Variants in KCTD19 observed in about 807,000 individuals in gnomAD.
KCTD19 encodes the protein BTB/POZ domain-containing protein KCTD19.
A neutral mutation model predicts 103.5 loss-of-function variants in KCTD19; 67 were observed. The observed-to-expected ratio is 0.65, with a 90% CI of 0.53 to 0.79. KCTD19 has a LOEUF of 0.79. Ranked by LOEUF, KCTD19 falls within the 30% of genes least tolerant of loss-of-function variation. The pLI is 0.00. For missense variants in KCTD19, 980 were observed against 1,136.1 expected (o/e 0.86, Z 1.98); for synonymous variants, 439 against 452.2 (o/e 0.97, Z 0.37).
At chr16:67,308,752 CT>C (rs1236746885) in intron 2 of KCTD19, among the ~76,000 whole-genome samples, 1 of 152,184 alleles carries the variant, frequency 6.6e-6, no homozygotes, top group African/African-American at 2.4e-5. Flanking sequence ...GTTCTTCCCC[CT>C]ATACCAAGCT....
intron 1 of KCTD19, chr16:67,326,224 C>T: frequency 6.4e-6 from 1 of 156,086 alleles, no homozygotes; most frequent in Non-Finnish European, 1.4e-5. Context: ...CCGCGCCCAG[C>T]CCGTCCAAGT....
chr16:67,315,446 C>T (rs2037001188), intron 2 of KCTD19, among the ~76,000 whole-genome samples: 1 of 151,444 alleles, frequency 6.6e-6, no homozygotes, highest in South Asian at 2.1e-4. Context: ...GCTAGGATTA[C>T]AGGCATGAGC....
chr16:67,289,634 T>C lies in KCTD19; in HGVS notation c.2716A>G (p.Ile906Val), dbSNP rs1368982277. Residue 906 changes from isoleucine (I) to valine (V), a missense_variant, in exon 16 of 16, where the codon ATC becomes GTC. Ile to Val is a conservative substitution (Grantham distance 29). Coordinates refer to ENST00000304372, the MANE Select transcript of KCTD19 (RefSeq NM_001100915.3). ...RKYGRCMDLL[I>V]QRGLSRSVSY... ...ACAGACCTAGACAGGCCCCTCTGGA[T>C]GAGCAGGTCCATGCATCGGCCATAT... The C allele has an allele frequency of 1.9e-6, 3 of 1,614,116 alleles. No individual in the cohort carries two copies. The highest frequency in any genetic ancestry group is 2.5e-6 in the Non-Finnish European group (3 of 1,180,016).
chr16:67,296,485 C>T (rs563897412), intron 7 of KCTD19, among the ~76,000 whole-genome samples: 86 of 152,304 alleles, frequency 5.6e-4, no homozygotes, highest in Non-Finnish European at 1.1e-3. Flanking sequence ...TCACCTGACC[C>T]TCCTCCCTCA....
In KCTD19 at chr16:67,314,799, T is replaced by TTATATATA. The variant is rs138495581; in HGVS notation, c.300+5782_300+5789dup. Among the ~76,000 whole-genome samples the TTATATATA allele has an allele frequency of 1.1e-3, 52 of 45,888 alleles. 1 individual carries two copies. The highest frequency in any genetic ancestry group is 3.8e-3 in the African/African-American group (35 of 9,258). The allele number at this position is 45,888 out of a possible 152,430, so 30.1% of individuals were successfully genotyped here. ...ACATGATGGTTTTTTTCACTTAGCA[T>TTATATATA]TATATATATATATATATATATATAT... On this transcript the variant is annotated intron_variant, in intron 2 of 15. Transcript: ENST00000304372.
intron 1 of KCTD19, chr16:67,326,485 T>C (rs1300327332): frequency 3.8e-6 from 2 of 528,730 alleles, no homozygotes; most frequent in African/African-American, 4.1e-5. Flanking sequence ...AGAACCGGAG[T>C]CCCCCACATC....
intron 15 of KCTD19, among the ~76,000 whole-genome samples, chr16:67,290,175 T>C (rs933741310): frequency 9.9e-5 from 13 of 131,000 alleles, no homozygotes; most frequent in Admixed American, 2.3e-4. Context: ...TTCTTTTTTT[T>C]TTTTTTTTTT....
rs752214690 is a variant in KCTD19 at position 67,289,667 on chromosome 16, C to A, written c.2683G>T (p.Ala895Ser). 1.2e-6 allele frequency: 2 copies of A among 1,613,684 alleles called. No homozygotes were observed. Among genetic ancestry groups the A allele is most frequent in the African/African-American group, 1.3e-5 (1 of 75,014 alleles). The change falls in exon 16 of 16, where the codon GCC (alanine) becomes TCC (serine). Residue 895 changes from alanine (A) to serine (S), a missense_variant. Transcript: ENST00000304372. ...TCCATGCATCGGCCATATTTCCTGGCGAAGGGCAGTGTAAGCTGGAAGGAA... is the reference window on the plus strand; with the variant it reads ...TCCATGCATCGGCCATATTTCCTGGAGAAGGGCAGTGTAAGCTGGAAGGAA... ...YSWVELTLPF[A>S]RKYGRCMDLL...
chr16:67,295,472 TCTC>T (rs2036754881), intron 8 of KCTD19, 67 bp from the exon 9 acceptor site: 1 of 1,459,018 alleles, frequency 6.9e-7, no homozygotes, highest in East Asian at 2.3e-5. Context: ...AGGTCAATCT[TCTC>T]TCACTCCCCT....
At chr16:67,304,988 A>AAT (rs1368896038) in intron 2 of KCTD19, among the ~76,000 whole-genome samples, 2 of 152,124 alleles carry the variant, frequency 1.3e-5, no homozygotes, top group Non-Finnish European at 2.9e-5. Flanking sequence ...AGTGTTTTGA[A>AAT]ATAAATTAGG....
At chr16:67,318,256 G>GC (rs141446774) in intron 2 of KCTD19, among the ~76,000 whole-genome samples, 1 of 152,108 alleles carries the variant, frequency 6.6e-6, no homozygotes, top group Non-Finnish European at 1.5e-5. Context: ...CTGAGGAGCA[G>GC]CCCCCCATTT....
At chr16:67,310,018 G>C (rs2036933648) in intron 2 of KCTD19, among the ~76,000 whole-genome samples, 1 of 152,170 alleles carries the variant, frequency 6.6e-6, no homozygotes, top group Non-Finnish European at 1.5e-5. Flanking sequence ...CATGCTGCAG[G>C]CCAGGCCCAG....
chr16:67,300,347 C>G lies in KCTD19; in HGVS notation c.776-774G>C, dbSNP rs2036819903. The G allele has an allele frequency of 6.6e-6, 1 of 152,290 alleles. No individual in the cohort carries two copies. Among genetic ancestry groups the G allele is most frequent in the Admixed American group, 6.5e-5 (1 of 15,292 alleles). The allele number at this position is 152,290 out of a possible 1,614,324, so 9.4% of individuals were successfully genotyped here. A position where few individuals can be genotyped will look rare whatever the true frequency, so the allele number is the denominator to read the frequency against. ...GCAGGGCTAGGATTTGAGGTCAGCT[C>G]TGTCCAGCTCCAAGGTTACCACAGC... On this transcript the variant is annotated intron_variant, in intron 5 of 15. Transcript: ENST00000304372. This position sits in a 1 kb window ranked among gnomAD's most constrained non-coding sequence, Gnocchi z 4.5.
At chr16:67,321,450 C>G (rs78944537) in intron 1 of KCTD19, among the ~76,000 whole-genome samples, 5 of 152,086 alleles carry the variant, frequency 3.3e-5, no homozygotes, top group South Asian at 2.1e-4. Context: ...ATCTCATGCT[C>G]ATGGATTGGA....
intron 7 of KCTD19, 133 bp downstream of exon 7, chr16:67,297,370 A>C (rs539254007): frequency 4.3e-6 from 4 of 923,192 alleles, no homozygotes; most frequent in Non-Finnish European, 6.6e-6. Flanking sequence ...TTTTGTAAAA[A>C]TCCAAAATAT....
chr16:67,294,702 A>G lies in KCTD19; in HGVS notation c.1476-8T>C. 1 of 1,598,242 alleles carries G rather than the reference A, an allele frequency of 6.3e-7. No homozygotes were observed. Among genetic ancestry groups the G allele is most frequent in the Non-Finnish European group, 8.6e-7 (1 of 1,165,530 alleles). ...TTCTCCTGAGTCCATGACCTGCAGAAACCAAGAGGGGTTGGTTAGTGAGTA... is the reference window on the plus strand; with the variant it reads ...TTCTCCTGAGTCCATGACCTGCAGAGACCAAGAGGGGTTGGTTAGTGAGTA... On this transcript the variant is annotated splice_polypyrimidine_tract_variant and splice_region_variant and intron_variant, in intron 10 of 15. Transcript: ENST00000304372.
intron 6 of KCTD19, among the ~76,000 whole-genome samples, chr16:67,298,143 G>A (rs1036542170): frequency 1.3e-5 from 2 of 151,884 alleles, no homozygotes; most frequent in Non-Finnish European, 1.5e-5. Flanking sequence ...ACAGGCACCC[G>A]CCACCATGCC....
At chr16:67,306,337 C>T (rs2142512170) in intron 2 of KCTD19, among the ~76,000 whole-genome samples, 1 of 152,330 alleles carries the variant, frequency 6.6e-6, no homozygotes, top group East Asian at 1.9e-4. Flanking sequence ...GCAATCTCGG[C>T]TCACTGCAAC....
intron 12 of KCTD19, among the ~76,000 whole-genome samples, chr16:67,292,543 T>C (rs2036711808): frequency 6.6e-6 from 1 of 152,166 alleles, no homozygotes; most frequent in East Asian, 1.9e-4. Flanking sequence ...AGAGTGGACA[T>C]TTGTCATCCC....
Sources: gnomAD v4.1 joint callset for allele counts (sites outside exome capture counted in the v4.1 genomes callset) on GRCh38, gnomAD v4.1.1 for gene constraint, Gnocchi (gnomAD v3.1) non-coding constraint, MANE v1.5 for transcripts, NCBI Gene and HGNC (gene_info 2026-07-23, HGNC 2026-07-21) for gene names.